The following CREB5 variants were observed in gnomAD, a reference collection of about 807,000 sequenced individuals.
The protein encoded by CREB5 is cAMP responsive element binding protein 5.
CREB5 carries 19 observed loss-of-function variants against 57.1 expected under a neutral mutation model. The ratio of observed to expected loss-of-function variants is 0.33; its 90% confidence interval spans 0.23 to 0.49. CREB5 has a LOEUF of 0.49. Among genes scored for constraint, CREB5 ranks in the 20% least tolerant of loss-of-function variants. The pLI, the probability that CREB5 is intolerant of heterozygous loss-of-function variation, is 0.99. For synonymous variants in CREB5, 238 were observed against 238.3 expected (o/e 1.00, Z 0.01); for missense variants, 579 against 671.6 (o/e 0.86, Z 1.52).
chr7:28,673,675 T>A (rs1317595686), intron 5 of CREB5, among the ~76,000 whole-genome samples: 1 of 138,484 alleles, frequency 7.2e-6, no homozygotes, highest in Non-Finnish European at 1.6e-5. Flanking sequence ...TTTTTTTTTT[T>A]TTTTTTTTTT....
intron 7 of CREB5, among the ~76,000 whole-genome samples, chr7:28,801,514 C>A (rs754474702): frequency 1.6e-4 from 25 of 152,236 alleles, no homozygotes; most frequent in Admixed American, 3.3e-4. Flanking sequence ...ATTTTCATTT[C>A]TTTGCTGTGC....
At chr7:28,342,492 A>G (rs1371865199) in intron 1 of CREB5, among the ~76,000 whole-genome samples, 2 of 152,264 alleles carry the variant, frequency 1.3e-5, no homozygotes, top group Non-Finnish European at 2.9e-5. Context: ...TACATCAAAC[A>G]ACTCAATTAA....
In CREB5 at chr7:28,821,407, A is replaced by G. The variant is rs1357812396; in HGVS notation, c.*2128A>G. The G allele has an allele frequency of 2.6e-5, 4 of 151,732 alleles. No homozygotes were observed. Among genetic ancestry groups the G allele is most frequent in the Non-Finnish European group, 4.4e-5 (3 of 67,916 alleles). 9.4% of individuals were successfully genotyped at this position (151,732 alleles called of 1,614,324 possible). A position where few individuals can be genotyped will look rare whatever the true frequency, so the allele number is the denominator to read the frequency against. On this transcript the variant is annotated 3_prime_UTR_variant, in exon 11 of 11. Transcript: ENST00000357727. ...GCAGTGCTTTCAAAAGATGGTTTTG[A>G]GTGTCCAGTGAAACTTATGACTTGG... is the stretch of plus-strand genomic sequence containing the variant.
At chr7:28,706,373 T>C (rs1185452949) in intron 5 of CREB5, among the ~76,000 whole-genome samples, 1 of 152,112 alleles carries the variant, frequency 6.6e-6, no homozygotes, top group Non-Finnish European at 1.5e-5. Flanking sequence ...AAAAAAATCT[T>C]TCTAGCACTT....
chr7:28,775,368 T>C (rs896803665), intron 7 of CREB5, among the ~76,000 whole-genome samples: 1 of 151,964 alleles, frequency 6.6e-6, no homozygotes, highest in Non-Finnish European at 1.5e-5. Flanking sequence ...TTAAAAATTA[T>C]TATTCAATGT....
intron 7 of CREB5, chr7:28,724,645 A>T: frequency 4.6e-6 from 1 of 217,366 alleles, no homozygotes; most frequent in East Asian, 1.1e-4. Flanking sequence ...TGAAATAATA[A>T]AAATAATACA....
intron 1 of CREB5, among the ~76,000 whole-genome samples, chr7:28,458,031 C>A (rs1048302325): frequency 2.0e-5 from 3 of 152,062 alleles, no homozygotes; most frequent in Non-Finnish European, 2.9e-5. Context: ...GGGCCCTATC[C>A]CCCATAAGAG....
intron 1 of CREB5, among the ~76,000 whole-genome samples, chr7:28,308,368 A>G (rs1785223047): frequency 6.6e-6 from 1 of 152,210 alleles, no homozygotes; most frequent in African/African-American, 2.4e-5. Context: ...TAATACTAGC[A>G]AACAGTTCCA....
chr7:28,808,950 T>C (rs903180342), intron 8 of CREB5, among the ~76,000 whole-genome samples: 2 of 152,180 alleles, frequency 1.3e-5, no homozygotes, highest in Admixed American at 6.5e-5. Flanking sequence ...CTACATCTTT[T>C]CACGAGTCAT....
chr7:28,589,069 A>G (rs1490477525), intron 5 of CREB5, among the ~76,000 whole-genome samples: 2 of 152,206 alleles, frequency 1.3e-5, no homozygotes, highest in African/African-American at 2.4e-5. Context: ...GAAACATTTC[A>G]AACACATAGA....
intron 1 of CREB5, among the ~76,000 whole-genome samples, chr7:28,312,507 A>G (rs1785298095): frequency 6.6e-6 from 1 of 152,142 alleles, no homozygotes. Context: ...TCTGGTGTAC[A>G]AAGGGGGAGG....
intron 1 of CREB5, among the ~76,000 whole-genome samples, chr7:28,336,432 A>G (rs956879188): frequency 6.6e-6 from 1 of 151,908 alleles, no homozygotes; most frequent in African/African-American, 2.4e-5. Context: ...GGTAGGTTGT[A>G]TGTGTGTAGT....
intron 1 of CREB5, among the ~76,000 whole-genome samples, chr7:28,313,584 A>G (rs1476488759): frequency 6.6e-6 from 1 of 152,200 alleles, no homozygotes; most frequent in Non-Finnish European, 1.5e-5. Flanking sequence ...GAGCAAATGT[A>G]TTTTGAGTGC....
chr7:28,420,782 T>C (rs963381898), intron 1 of CREB5, among the ~76,000 whole-genome samples: 1 of 128,716 alleles, frequency 7.8e-6, no homozygotes, highest in Non-Finnish European at 1.6e-5. Context: ...CACTCTAGCC[T>C]GTGCTTTGCA....
At chr7:28,334,958 T>C (rs1309008339) in intron 1 of CREB5, among the ~76,000 whole-genome samples, 1 of 152,170 alleles carries the variant, frequency 6.6e-6, no homozygotes, top group Non-Finnish European at 1.5e-5. Context: ...TATTGAAGAC[T>C]GTCCTTTTCC....
chr7:28,562,730 T>G (rs1346101981), intron 4 of CREB5, among the ~76,000 whole-genome samples: 1 of 152,248 alleles, frequency 6.6e-6, no homozygotes, highest in Non-Finnish European at 1.5e-5. Context: ...ATGGTGTATA[T>G]CCAAGTTTTT....
chr7:28,528,781 A>AG (rs1211788273), intron 4 of CREB5, among the ~76,000 whole-genome samples: 2 of 100,434 alleles, frequency 2.0e-5, no homozygotes, highest in Non-Finnish European at 4.7e-5. Context: ...TTAAAAAAAA[A>AG]AAAGGCTTGC....
intron 5 of CREB5, among the ~76,000 whole-genome samples, chr7:28,583,862 G>A (rs1397613578): frequency 6.6e-6 from 1 of 151,960 alleles, no homozygotes; most frequent in Non-Finnish European, 1.5e-5. Flanking sequence ...ATTTTTAGTA[G>A]AGACAGGGTT....
At chr7:28,402,041 G>A (rs1367329616) in intron 1 of CREB5, among the ~76,000 whole-genome samples, 1 of 152,170 alleles carries the variant, frequency 6.6e-6, no homozygotes, top group Non-Finnish European at 1.5e-5. Context: ...GTGTAAAAGT[G>A]TTCCTATTTC....
Sources: allele counts gnomAD v4.1 joint callset (sites outside exome capture counted in the v4.1 genomes callset), GRCh38; gene constraint gnomAD v4.1.1; transcripts MANE v1.5; gene names NCBI Gene and HGNC (gene_info 2026-07-23, HGNC 2026-07-21).